Variants in DST observed in about 807,000 individuals in gnomAD.
The protein encoded by DST is dystonin.
In DST, 253 loss-of-function variants were observed where a neutral mutation model predicts 875.2. The ratio of observed to expected loss-of-function variants is 0.29; its 90% CI spans 0.26 to 0.32. The LOEUF is 0.32. Ranked by LOEUF, DST falls within the 10% of genes least tolerant of loss-of-function variation. The pLI is 1.00. For missense variants in DST, 8,287 were observed against 9,111.6 expected (o/e 0.91, Z 3.68); for synonymous variants, 3,124 against 3,197.1 (o/e 0.98, Z 0.77).
intron 2 of DST, among the ~76,000 whole-genome samples, chr6:56,938,829 T>C (rs570583314): frequency 6.6e-6 from 1 of 152,288 alleles, no homozygotes; most frequent in South Asian, 2.1e-4. Flanking sequence ...GGAGAGACCA[T>C]GCAGAGGAAA....
intron 50 of DST, among the ~76,000 whole-genome samples, chr6:56,575,824 T>C (rs544939217): frequency 3.3e-5 from 5 of 152,162 alleles, no homozygotes; most frequent in Admixed American, 6.5e-5. Context: ...CCTAAGACCT[T>C]TGTGATTTCC....
Position 56,640,217 on chromosome 6 carries a change from C to A in DST, c.2416G>T (p.Asp806Tyr), listed in dbSNP as rs747856916. Residue 806 changes from aspartate (D) to tyrosine (Y), a missense_variant, in exon 18 of 104, where the codon GAT becomes TAT. Transcript: ENST00000680361. ...ATTTCTTCTTCTGTTAAATTTTGAT[C>A]CAGCAAAGAAGACTTTAGAAGGGGT... ...RKPLLKSSLLDQNLTEEEINM... is the reference protein window; with the variant it reads ...RKPLLKSSLLYQNLTEEEINM... The A allele has an allele frequency of 1.2e-6, 2 of 1,614,086 alleles. No individual in the cohort carries two copies. The highest frequency in any genetic ancestry group is 8.5e-7 in the Non-Finnish European group (1 of 1,180,004).
At chr6:56,589,280 C>T (rs1396421638) in intron 49 of DST, among the ~76,000 whole-genome samples, 1 of 152,184 alleles carries the variant, frequency 6.6e-6, no homozygotes, top group Non-Finnish European at 1.5e-5. Context: ...CTTCTCAAAA[C>T]ATCACATGCC....
At chr6:56,689,702 C>T (rs2099214700) in intron 9 of DST, among the ~76,000 whole-genome samples, 2 of 152,118 alleles carry the variant, frequency 1.3e-5, no homozygotes, top group Admixed American at 6.6e-5. Flanking sequence ...TTATCTATTA[C>T]ATTAGAATAA....
At chr6:56,731,616 A>T (rs997780597) in intron 5 of DST, among the ~76,000 whole-genome samples, 4 of 152,136 alleles carry the variant, frequency 2.6e-5, no homozygotes, top group Non-Finnish European at 5.9e-5. Flanking sequence ...GATGTGTTTC[A>T]TCTCATTTTC....
intron 39 of DST, 100 bp from the exon 40 acceptor site, chr6:56,609,444 A>T: frequency 1.2e-6 from 1 of 858,268 alleles, no homozygotes; most frequent in Non-Finnish European, 1.8e-6. Context: ...ATACATTTCA[A>T]CATAAAAATC....
chr6:56,785,136 A>AC (rs1190703865), intron 4 of DST, among the ~76,000 whole-genome samples: 1 of 152,148 alleles, frequency 6.6e-6, no homozygotes, highest in Non-Finnish European at 1.5e-5. Context: ...GTCTGCCCCT[A>AC]CTGGGGGGTG....
Position 56,603,309 on chromosome 6 carries a change from C to G in DST, c.11053G>C (p.Glu3685Gln), listed in dbSNP as rs1283199274. The G allele has an allele frequency of 6.2e-7, 1 of 1,610,840 alleles. No individual in the cohort carries two copies. The highest frequency in any genetic ancestry group is 8.5e-7 in the Non-Finnish European group (1 of 1,178,790). Residue 3685 changes from glutamate (E) to glutamine (Q), a missense_variant, in exon 42 of 104, where the codon GAA becomes CAA. Glu to Gln is a conservative substitution (Grantham distance 29). Coordinates refer to ENST00000680361, the MANE Select transcript of DST (RefSeq NM_001374736.1). Reference sequence around the variant, plus strand: ...AAACTCTGGTGGCTAATACTCAATTCTTCAACATGGCCTCTGGGAAAGTCA... The same window carrying G: ...AAACTCTGGTGGCTAATACTCAATTGTTCAACATGGCCTCTGGGAAAGTCA... ...PSDFPRGHVE[E>Q]LSISHQSLKT...
intron 4 of DST, among the ~76,000 whole-genome samples, chr6:56,837,954 T>G (rs1330125210): frequency 7.5e-6 from 1 of 132,592 alleles, no homozygotes; most frequent in African/African-American, 2.6e-5. Context: ...GGGGTCTCAT[T>G]TGATCACTTA....
At chr6:56,643,723 A>T (rs1157166101) in intron 15 of DST, among the ~76,000 whole-genome samples, 1 of 152,176 alleles carries the variant, frequency 6.6e-6, no homozygotes, top group Non-Finnish European at 1.5e-5. Context: ...CTAAGAATAG[A>T]TATTTTTCTT....
chr6:56,811,942 A>G (rs973356313), intron 4 of DST, among the ~76,000 whole-genome samples: 2 of 146,596 alleles, frequency 1.4e-5, no homozygotes, highest in Admixed American at 6.8e-5. Context: ...TAAAAATACG[A>G]AAAAAAAAAA....
At chr6:56,831,930 A>G (rs1439036566) in intron 4 of DST, among the ~76,000 whole-genome samples, 1 of 152,292 alleles carries the variant, frequency 6.6e-6, no homozygotes, top group East Asian at 1.9e-4. Context: ...GAATGCTTTC[A>G]AAAAATGCTA....
intron 4 of DST, chr6:56,843,747 TGGAGG>T (rs2099803720): frequency 6.4e-5 from 1 of 15,728 alleles, no homozygotes; most frequent in African/African-American, 2.6e-4. Flanking sequence ...GGGTGGAGGG[TGGAGG>T]GTGGAGGGCG....
At chr6:56,908,631 A>T (rs1203607811) in intron 2 of DST, among the ~76,000 whole-genome samples, 3 of 152,238 alleles carry the variant, frequency 2.0e-5, no homozygotes, top group Admixed American at 2.0e-4. Context: ...AGGTAAAATG[A>T]GGCTGAGACC....
At chr6:56,533,900 A>C (rs1268474111) in intron 63 of DST, among the ~76,000 whole-genome samples, 2 of 152,176 alleles carry the variant, frequency 1.3e-5, no homozygotes, top group Non-Finnish European at 2.9e-5. Context: ...AATACAAAAA[A>C]AAAATTGAGG....
At chr6:56,731,862 G>T (rs902887300) in intron 5 of DST, among the ~76,000 whole-genome samples, 1 of 152,108 alleles carries the variant, frequency 6.6e-6, no homozygotes, top group African/African-American at 2.4e-5. Context: ...GGCTTAGAAA[G>T]AATTTAATAA....
chr6:56,912,962 G>A (rs745468399), intron 2 of DST, among the ~76,000 whole-genome samples: 1 of 152,152 alleles, frequency 6.6e-6, no homozygotes, highest in African/African-American at 2.4e-5. Context: ...AGAGCTGGTG[G>A]CAAAATCAAA....
rs749379959 is a variant in DST, at chr6:56,635,581, A to G, written c.3186+8T>C. 1.2e-6 allele frequency: 2 copies of G among 1,613,850 alleles called. No individual in the cohort carries two copies. Among genetic ancestry groups the G allele is most frequent in the Admixed American group, 3.3e-5 (2 of 60,010 alleles). On this transcript the variant is annotated splice_region_variant and intron_variant, in intron 24 of 103. Transcript: ENST00000680361. The stretch of plus-strand genomic sequence containing the variant: ...TACTTATAAAATGCATAGGTTTTGT[A>G]TTAGTACCATTGATTCCTGAACAAG...
chr6:56,893,722 T>C (rs1239077977), intron 3 of DST, among the ~76,000 whole-genome samples: 1 of 65,218 alleles, frequency 1.5e-5, no homozygotes, highest in Non-Finnish European at 2.7e-5. Context: ...GGTCTCTGGT[T>C]TTCCTAGGCA....
Sources: allele counts gnomAD v4.1 joint callset (sites outside exome capture counted in the v4.1 genomes callset), GRCh38; gene constraint gnomAD v4.1.1; transcripts MANE v1.5; gene names NCBI Gene and HGNC (gene_info 2026-07-23, HGNC 2026-07-21).